Variants in PIK3CG observed in about 807,000 individuals in gnomAD.
The protein encoded by PIK3CG is phosphatidylinositol-4,5-bisphosphate 3-kinase catalytic subunit gamma.
A neutral mutation model predicts 102.3 loss-of-function variants in PIK3CG; 55 were observed. The ratio of observed to expected loss-of-function variants is 0.54; its 90% CI spans 0.43 to 0.67. The LOEUF (loss-of-function observed/expected upper bound fraction) is 0.67. PIK3CG is among the 30% of genes least tolerant of loss of function. PIK3CG has a pLI of 0.00. For missense variants in PIK3CG, 1,258 were observed against 1,391.8 expected (o/e 0.90, Z 1.53); for synonymous variants, 552 against 540.0 (o/e 1.02, Z -0.31).
At chr7:106,889,598 T>G (rs1053238738) in intron 10 of PIK3CG, among the ~76,000 whole-genome samples, 1 of 152,246 alleles carries the variant, frequency 6.6e-6, no homozygotes, top group Non-Finnish European at 1.5e-5. Context: ...TTGATAAGGT[T>G]AACTAATACA....
chr7:106,897,076 A>G lies in PIK3CG; in HGVS notation c.3031-8033A>G, dbSNP rs1266706354. 6.6e-6 allele frequency among the ~76,000 whole-genome samples: 1 copy of G among 152,208 alleles called. No homozygotes were observed. The highest frequency in any genetic ancestry group is 1.5e-5 in the Non-Finnish European group (1 of 68,036). The stretch of plus-strand genomic sequence containing the variant: ...ATTGTTTTATACCTACCTCTTAAAC[A>G]CTTTTACATGTTTATTAAATATCCT... On this transcript the variant is annotated intron_variant, in intron 10 of 10. Coordinates refer to ENST00000496166, the MANE Select transcript of PIK3CG (RefSeq NM_001282426.2). The surrounding 1 kb of genome is among the most constrained non-coding windows in gnomAD (Gnocchi z 4.6).
At position 106,886,771 on chromosome 7, in the gene PIK3CG, C is replaced by T. The variant is rs185556289; in HGVS notation, c.3030+479C>T. Among the ~76,000 whole-genome samples the T allele has an allele frequency of 9.7e-4, 148 of 152,286 alleles. 1 individual carries two copies. The highest frequency in any genetic ancestry group is 3.5e-3 in the African/African-American group (144 of 41,560). ...CTGGGCTTATCTCATTTTTATAAGGCAGAATACCCAATATTTCATTTGAAA... is the reference window on the plus strand; with the variant it reads ...CTGGGCTTATCTCATTTTTATAAGGTAGAATACCCAATATTTCATTTGAAA... On this transcript the variant is annotated intron_variant, in intron 10 of 10. Transcript: ENST00000496166.
chr7:106,880,679 T>G lies in PIK3CG; in HGVS notation c.2538+1014T>G, dbSNP rs1360267977. ...GCCCTTTATGTACTTTGTGGTTTTGTTTTTTTTTAATTTTTTTAAGATGAG... is the reference window on the plus strand; with the variant it reads ...GCCCTTTATGTACTTTGTGGTTTTGGTTTTTTTTAATTTTTTTAAGATGAG... On this transcript the variant is annotated intron_variant, in intron 6 of 10. Transcript: ENST00000496166. This position sits in a 1 kb window ranked among gnomAD's most constrained non-coding sequence, Gnocchi z 4.2. Among the ~76,000 whole-genome samples, 4 of 151,094 alleles carry G rather than the reference T, an allele frequency of 2.6e-5. No homozygotes were observed. Among genetic ancestry groups the G allele is most frequent in the African/African-American group, 4.9e-5 (2 of 41,084 alleles).
In PIK3CG at chr7:106,893,945, A is replaced by G. The variant is rs1301130362; in HGVS notation, c.3030+7653A>G. ...GAATACTGTAGGCAGTTGTGACACAATGTTATGCACTTGTGTATCTAAACA... is the reference window on the plus strand; with the variant it reads ...GAATACTGTAGGCAGTTGTGACACAGTGTTATGCACTTGTGTATCTAAACA... On this transcript the variant is annotated intron_variant, in intron 10 of 10. Coordinates refer to ENST00000496166, the MANE Select transcript of PIK3CG (RefSeq NM_001282426.2). The surrounding 1 kb of genome is among the most constrained non-coding windows in gnomAD (Gnocchi z 4.4). Among the ~76,000 whole-genome samples, 1 of 152,198 alleles carries G rather than the reference A, an allele frequency of 6.6e-6. No individual in the cohort carries two copies. Among genetic ancestry groups the G allele is most frequent in the Non-Finnish European group, 1.5e-5 (1 of 68,026 alleles).
At position 106,890,147 on chromosome 7, in the gene PIK3CG, T is replaced by C. The variant is rs557410407; in HGVS notation, c.3030+3855T>C. On this transcript the variant is annotated intron_variant, in intron 10 of 10. Transcript: ENST00000496166. The surrounding 1 kb of genome is among the most constrained non-coding windows in gnomAD (Gnocchi z 4.2). Reference sequence around the variant, plus strand: ...TGGCAAATGAAATTTGGCTTCTAAGTTTTTTAAATGTCAGAATGTGTTTTT... The same window carrying C: ...TGGCAAATGAAATTTGGCTTCTAAGCTTTTTAAATGTCAGAATGTGTTTTT... Among the ~76,000 whole-genome samples, 1 of 152,242 alleles carries C rather than the reference T, an allele frequency of 6.6e-6. No homozygotes were observed. Among genetic ancestry groups the C allele is most frequent in the Non-Finnish European group, 1.5e-5 (1 of 68,040 alleles).
At chr7:106,886,726 G>A (rs1791106445) in intron 10 of PIK3CG, among the ~76,000 whole-genome samples, 1 of 152,136 alleles carries the variant, frequency 6.6e-6, no homozygotes, top group African/African-American at 2.4e-5. Flanking sequence ...TTTGCTACAG[G>A]TGAATTCTCG....
Position 106,890,861 on chromosome 7 carries a change from TTCCCCCA to T in PIK3CG, c.3030+4574_3030+4580del, listed in dbSNP as rs1791246607. Among the ~76,000 whole-genome samples, 1 of 152,208 alleles carries T rather than the reference TTCCCCCA, an allele frequency of 6.6e-6. No homozygotes were observed. Among genetic ancestry groups the T allele is most frequent in the African/African-American group, 2.4e-5 (1 of 41,458 alleles). On this transcript the variant is annotated intron_variant, in intron 10 of 10. Coordinates refer to ENST00000496166, the MANE Select transcript of PIK3CG (RefSeq NM_001282426.2). The surrounding 1 kb of genome is among the most constrained non-coding windows in gnomAD (Gnocchi z 4.2). ...CATCACTGTGGCCTTCCTCCACATC[TTCCCCCA>T]TCCCAGCTACCCACTGCTTTCTTCC... is the stretch of plus-strand genomic sequence containing the variant.
chr7:106,902,236 G>A lies in PIK3CG; in HGVS notation c.3031-2873G>A, dbSNP rs1268554179. 8.0e-6 allele frequency among the ~76,000 whole-genome samples: 1 copy of A among 124,894 alleles called. No individual in the cohort carries two copies. The highest frequency in any genetic ancestry group is 2.8e-5 in the African/African-American group (1 of 35,488). The allele number at this position is 124,894 out of a possible 152,430, so 81.9% of individuals were successfully genotyped here. A position where few individuals can be genotyped will look rare whatever the true frequency, so the allele number is the denominator to read the frequency against. ...AGTCTGTGCTGTGGGCCCAAGCCAG[G>A]GGTTTCCTGTCTTGTGTCAAGCAAT... On this transcript the variant is annotated intron_variant, in intron 10 of 10. Transcript: ENST00000496166. The surrounding 1 kb of genome is among the most constrained non-coding windows in gnomAD (Gnocchi z 4.3).
intron 7 of PIK3CG, 79 bp downstream of exon 7, chr7:106,882,286 A>G: frequency 1.7e-6 from 1 of 592,318 alleles, no homozygotes. Flanking sequence ...TAGACATTTA[A>G]TAACTGAAAA....
Position 106,868,136 on chromosome 7 carries a change from A to G in PIK3CG, c.575A>G (p.Asp192Gly), listed in dbSNP as rs1584316191. ...TPRMAEVASR[D>G]PKLYAMHPWV... The stretch of plus-strand genomic sequence containing the variant: ...CGCATGGCGGAGGTGGCCAGCCGCG[A>G]CCCCAAGCTCTACGCCATGCACCCG... The change falls in exon 2 of 11, where the codon GAC becomes GGC. Residue 192 changes from aspartate (D) to glycine (G), a missense_variant. Coordinates refer to ENST00000496166, the MANE Select transcript of PIK3CG (RefSeq NM_001282426.2). The surrounding 1 kb of genome is among the most constrained non-coding windows in gnomAD (Gnocchi z 6.2). The G allele has an allele frequency of 6.2e-7, 1 of 1,608,806 alleles. No homozygotes were observed. The highest frequency in any genetic ancestry group is 2.2e-5 in the East Asian group (1 of 44,532).
chr7:106,875,282 C>T (rs1452942142), intron 5 of PIK3CG, among the ~76,000 whole-genome samples: 1 of 151,438 alleles, frequency 6.6e-6, no homozygotes, highest in Non-Finnish European at 1.5e-5. Flanking sequence ...TGAACTAGGA[C>T]CTAGGAGGTG....
rs1189118505 is a variant in PIK3CG at position 106,868,111 on chromosome 7, C to T, written c.550C>T (p.Arg184Cys). 1.9e-6 allele frequency: 3 copies of T among 1,613,086 alleles called. No individual in the cohort carries two copies. In the East Asian group the frequency reaches 6.7e-5, roughly 36 times the overall value. The part of the protein sequence containing the change: ...EFTRRGLVTP[R>C]MAEVASRDPK... ...CACGCGCCGTGGCTTGGTGACCCCG[C>T]GCATGGCGGAGGTGGCCAGCCGCGA... Residue 184 changes from arginine (R) to cysteine (C), a missense_variant, in exon 2 of 11, where the codon CGC becomes TGC. Physicochemically the swap from Arg to Cys is radical, Grantham distance 180 (BLOSUM62 -3). Around this residue, in one of 2 missense-constraint regions of PIK3CG, gnomAD observed 832 missense variants for 787.5 expected, o/e 1.06. Coordinates refer to ENST00000496166, the MANE Select transcript of PIK3CG (RefSeq NM_001282426.2). This position sits in a 1 kb window ranked among gnomAD's most constrained non-coding sequence, Gnocchi z 6.2.
At chr7:106,866,769 C>T (rs1009352904) in intron 1 of PIK3CG, among the ~76,000 whole-genome samples, 1 of 152,146 alleles carries the variant, frequency 6.6e-6, no homozygotes, top group Non-Finnish European at 1.5e-5. Flanking sequence ...TACATATCTG[C>T]AAATGGTTTT....
At chr7:106,876,166 G>A (rs1028767008) in intron 5 of PIK3CG, among the ~76,000 whole-genome samples, 13 of 150,370 alleles carry the variant, frequency 8.6e-5, no homozygotes, top group East Asian at 3.9e-4. Context: ...CACCCGCCTC[G>A]GCCTCCCAAA....
Position 106,879,557 on chromosome 7 carries a change from A to G in PIK3CG, c.2430A>G (p.Pro810=), listed in dbSNP as rs565777360. 1 of 1,613,784 alleles carries G rather than the reference A, an allele frequency of 6.2e-7. No individual in the cohort carries two copies. The highest frequency in any genetic ancestry group is 1.7e-5 in the Admixed American group (1 of 60,008). ...KCKVMASKKK[P]LWLEFKCADP... Reference sequence around the variant, plus strand: ...AAGTAATGGCCTCCAAGAAAAAACCACTATGGCTTGAGTTTAAATGTGCCG... The same window carrying G: ...AAGTAATGGCCTCCAAGAAAAAACCGCTATGGCTTGAGTTTAAATGTGCCG... Residue 810 remains proline, a synonymous_variant, in exon 6 of 11, where the codon CCA becomes CCG. Coordinates refer to ENST00000496166, the MANE Select transcript of PIK3CG (RefSeq NM_001282426.2). The surrounding 1 kb of genome is among the most constrained non-coding windows in gnomAD (Gnocchi z 4.9).
chr7:106,882,625 G>GA, intron 7 of PIK3CG: 2 of 177,012 alleles, frequency 1.1e-5, no homozygotes, highest in Non-Finnish European at 2.4e-5. Flanking sequence ...TAGACATTCA[G>GA]CATTAGTTTC....
At chr7:106,898,578 G>A (rs1351417540) in intron 10 of PIK3CG, among the ~76,000 whole-genome samples, 2 of 152,198 alleles carry the variant, frequency 1.3e-5, no homozygotes, top group Non-Finnish European at 2.9e-5. Context: ...AAGGGGTCCA[G>A]CTTCAATCTT....
intron 4 of PIK3CG, among the ~76,000 whole-genome samples, chr7:106,873,467 G>C (rs1790610994): frequency 6.6e-6 from 1 of 152,162 alleles, no homozygotes; most frequent in African/African-American, 2.4e-5. Context: ...CATCTGCATT[G>C]AACATGTACA....
chr7:106,873,010 C>G, intron 4 of PIK3CG, 72 bp downstream of exon 4: 1 of 1,137,212 alleles, frequency 8.8e-7, no homozygotes, highest in Non-Finnish European at 1.3e-6. Flanking sequence ...TCCTATAATT[C>G]TTTTTCTTCC....
Sources: gnomAD v4.1 joint callset for allele counts (sites outside exome capture counted in the v4.1 genomes callset) on GRCh38, gnomAD v4.1.1 for gene constraint, gnomAD v4.1.1 regional missense constraint, Gnocchi (gnomAD v3.1) non-coding constraint, MANE v1.5 for transcripts, NCBI Gene and HGNC (gene_info 2026-07-23, HGNC 2026-07-21) for gene names.